IL1RAPL2: variants seen among roughly 807,000 people sequenced by gnomAD.
IL1RAPL2 encodes the protein interleukin 1 receptor accessory protein like 2.
IL1RAPL2 carries 3 observed loss-of-function variants against 44.1 expected under a neutral mutation model. That is an observed-to-expected ratio of 0.07 (90% CI 0.03 to 0.18). IL1RAPL2 has a LOEUF of 0.18. Among genes scored for constraint, IL1RAPL2 ranks in the 10% least tolerant of loss-of-function variants. The pLI, the probability that IL1RAPL2 is intolerant of heterozygous loss-of-function variation, is 1.00. For synonymous variants in IL1RAPL2, 181 were observed against 178.8 expected (o/e 1.01, Z -0.10); for missense variants, 391 against 496.4 (o/e 0.79, Z 2.02).
chrX:105,218,994 C>T, intron 3 of IL1RAPL2: 1 of 1,210,373 alleles, frequency 8.3e-7, no homozygotes, highest in East Asian at 3.0e-5. Flanking sequence ...AGATTCCCTT[C>T]CCACAGTCGA....
intron 6 of IL1RAPL2, among the ~76,000 whole-genome samples, chrX:105,686,708 C>G (rs1222155743): frequency 9.0e-6 from 1 of 111,619 alleles, no homozygotes; most frequent in Non-Finnish European, 1.9e-5. Context: ...GAACTCAGCT[C>G]TGCAACAAGC....
chrX:105,159,192 A>G (rs993378215), intron 2 of IL1RAPL2, among the ~76,000 whole-genome samples: 6 of 112,911 alleles, frequency 5.3e-5, no homozygotes, highest in African/African-American at 1.6e-4. Flanking sequence ...TGTAAAGCTA[A>G]TAAGAAGTGG....
intron 2 of IL1RAPL2, among the ~76,000 whole-genome samples, chrX:104,792,061 A>G (rs1932829038): frequency 9.0e-6 from 1 of 110,983 alleles, no homozygotes; most frequent in Non-Finnish European, 1.9e-5. Context: ...GTCCTAGAAG[A>G]CAGCTTATCA....
chrX:105,108,904 C>T (rs2032773446), intron 2 of IL1RAPL2, among the ~76,000 whole-genome samples: 1 of 111,785 alleles, frequency 8.9e-6, no homozygotes, highest in Non-Finnish European at 1.9e-5. Context: ...AATTACTATG[C>T]TCTATAAGGC....
intron 6 of IL1RAPL2, among the ~76,000 whole-genome samples, chrX:105,577,225 T>G (rs2037057046): frequency 9.0e-6 from 1 of 111,414 alleles, no homozygotes; most frequent in Admixed American, 9.6e-5. Context: ...GCCTATATGA[T>G]ACTACCGGAA....
intron 7 of IL1RAPL2, among the ~76,000 whole-genome samples, chrX:105,721,217 G>A (rs1250987181): frequency 5.4e-4 from 60 of 110,691 alleles, no homozygotes; most frequent in Non-Finnish European, 1.1e-4. Flanking sequence ...GGAGTTCAAG[G>A]CCAGCCTGGC....
At chrX:104,849,595 T>G (rs1922170177) in intron 2 of IL1RAPL2, among the ~76,000 whole-genome samples, 1 of 109,298 alleles carries the variant, frequency 9.1e-6, no homozygotes, top group South Asian at 3.9e-4. Context: ...ATTAAATTAG[T>G]CTTATCAATG....
chrX:105,383,846 A>G (rs951132369), intron 5 of IL1RAPL2, among the ~76,000 whole-genome samples: 4 of 111,811 alleles, frequency 3.6e-5, no homozygotes, highest in Non-Finnish European at 7.5e-5. Flanking sequence ...ATTTGCATTT[A>G]TCTAATGATT....
chrX:105,529,166 A>G (rs2147792139), intron 6 of IL1RAPL2, among the ~76,000 whole-genome samples: 1 of 111,478 alleles, frequency 9.0e-6, no homozygotes, highest in East Asian at 2.8e-4. Flanking sequence ...CATTTTTGAC[A>G]GGAATATGAT....
At chrX:104,676,370 G>T (rs1393827598) in intron 2 of IL1RAPL2, among the ~76,000 whole-genome samples, 4 of 109,995 alleles carry the variant, frequency 3.6e-5, no homozygotes, top group Non-Finnish European at 7.6e-5. Flanking sequence ...GCTTAGTTTG[G>T]CTGGATATGA....
chrX:105,502,036 A>G (rs1336776717), intron 6 of IL1RAPL2, among the ~76,000 whole-genome samples: 2 of 112,468 alleles, frequency 1.8e-5, no homozygotes, highest in East Asian at 5.6e-4. Context: ...AATAGCATTT[A>G]TCTATTCCTA....
intron 2 of IL1RAPL2, among the ~76,000 whole-genome samples, chrX:104,894,173 C>T (rs1294081061): frequency 8.9e-6 from 1 of 111,889 alleles, no homozygotes; most frequent in Non-Finnish European, 1.9e-5. Flanking sequence ...TGATGGGCTT[C>T]CCTTTGTGGG....
At chrX:105,532,864 C>CAT (rs1275788207) in intron 6 of IL1RAPL2, among the ~76,000 whole-genome samples, 4 of 111,091 alleles carry the variant, frequency 3.6e-5, no homozygotes, top group East Asian at 5.6e-4. Flanking sequence ...TCTAGATATA[C>CAT]ATATATATAT....
At chrX:105,072,197 T>C (rs115238724) in intron 2 of IL1RAPL2, among the ~76,000 whole-genome samples, 9,189 of 111,214 alleles carry the variant, frequency 0.083, 985 homozygotes, top group African/African-American at 0.29. Context: ...ACACACTCTT[T>C]TCGCCTGCTG....
intron 2 of IL1RAPL2, among the ~76,000 whole-genome samples, chrX:105,146,731 T>C (rs1482989502): frequency 1.8e-5 from 2 of 111,103 alleles, no homozygotes; most frequent in African/African-American, 3.3e-5. Context: ...GAGACATTTA[T>C]TGCAGGAGAC....
intron 3 of IL1RAPL2, among the ~76,000 whole-genome samples, chrX:105,217,438 A>C (rs2033873708): frequency 8.9e-6 from 1 of 112,022 alleles, no homozygotes; most frequent in South Asian, 3.8e-4. Context: ...ATCATTAAAA[A>C]GTCAGGAAAC....
intron 5 of IL1RAPL2, among the ~76,000 whole-genome samples, chrX:105,342,904 C>T (rs1399802762): frequency 9.0e-6 from 1 of 111,287 alleles, no homozygotes; most frequent in Non-Finnish European, 1.9e-5. Context: ...TTTGAAAATT[C>T]CTACTCCAGG....
chrX:104,783,070 A>T (rs959192820), intron 2 of IL1RAPL2, among the ~76,000 whole-genome samples: 13 of 112,170 alleles, frequency 1.2e-4, no homozygotes, highest in Admixed American at 1.0e-3. Context: ...TACTTCTTTA[A>T]GGGAATTTTT....
At chrX:104,680,087 T>G (rs1930863885) in intron 2 of IL1RAPL2, among the ~76,000 whole-genome samples, 2 of 111,950 alleles carry the variant, frequency 1.8e-5, no homozygotes, top group African/African-American at 6.5e-5. Context: ...CTTTTCCCAG[T>G]GTAGGAATCC....
Sources: allele counts gnomAD v4.1 joint callset (sites outside exome capture counted in the v4.1 genomes callset), GRCh38; gene constraint gnomAD v4.1.1; transcripts MANE v1.5; gene names NCBI Gene and HGNC (gene_info 2026-07-23, HGNC 2026-07-21).